The following ERG variants were observed in gnomAD, a reference collection of about 807,000 sequenced individuals.
ERG encodes ETS transcription factor ERG.
ERG carries 9 observed loss-of-function variants against 55.3 expected under a neutral mutation model. The ratio of observed to expected loss-of-function variants is 0.16; its 90% CI spans 0.10 to 0.28. ERG has a LOEUF of 0.28. Among genes scored for constraint, ERG ranks in the 10% least tolerant of loss-of-function variants. The pLI, the probability that ERG is intolerant of heterozygous loss-of-function variation, is 1.00. For missense variants in ERG, 434 were observed against 631.6 expected, an observed-to-expected ratio of 0.69 and a Z score of 3.35; for synonymous variants, 223 against 237.3, an observed-to-expected ratio of 0.94 and a Z score of 0.55.
chr21:38,618,421 G>A (rs925961480), intron 1 of ERG, among the ~76,000 whole-genome samples: 1 of 152,174 alleles, frequency 6.6e-6, no homozygotes, highest in Non-Finnish European at 1.5e-5. Context: ...AAGTAACGTG[G>A]AGCAGATTGA....
At chr21:38,400,285 G>A (rs1442384995) in intron 6 of ERG, 1 of 518,624 alleles carries the variant, frequency 1.9e-6, no homozygotes, top group Non-Finnish European at 3.7e-6. Context: ...TAGTTCAAAA[G>A]TCGGCCTATT....
chr21:38,594,713 C>T (rs1167602234), intron 1 of ERG, among the ~76,000 whole-genome samples: 2 of 152,122 alleles, frequency 1.3e-5, no homozygotes, highest in Non-Finnish European at 2.9e-5. Context: ...ATAGGAAGAA[C>T]TTATATGGAC....
intron 2 of ERG, among the ~76,000 whole-genome samples, chr21:38,424,553 G>A (rs1341749992): frequency 1.3e-5 from 2 of 152,134 alleles, no homozygotes; most frequent in Admixed American, 6.5e-5. Context: ...ACACTTGCAG[G>A]GAACAGTGAA....
At chr21:38,516,369 T>C (rs2059551656) in intron 2 of ERG, among the ~76,000 whole-genome samples, 1 of 151,540 alleles carries the variant, frequency 6.6e-6, no homozygotes, top group South Asian at 2.1e-4. Context: ...CCATTTACAA[T>C]AGGTATAAGG....
At position 38,423,513 on chromosome 21, in the gene ERG, G is replaced by A. The variant is rs1258147013; in HGVS notation, c.285C>T (p.Gly95=). ...CSVAKGGKMV[G]SPDTVGMNYG... ...AGTTCATCCCAACGGTGTCTGGGCT[G>A]CCCACCATCTTCCCGCCTTTGGCCA... The change falls in exon 3 of 10, where the codon GGC becomes GGT. Residue 95 remains glycine (G), a synonymous_variant. Coordinates refer to ENST00000288319, the MANE Select transcript of ERG (RefSeq NM_182918.4). The A allele has an allele frequency of 2.1e-5, 34 of 1,613,976 alleles. No homozygotes were observed. Among genetic ancestry groups the A allele is most frequent in the Non-Finnish European group, 2.6e-5 (31 of 1,179,972 alleles).
At chr21:38,539,892 G>A (rs1601210417) in intron 2 of ERG, among the ~76,000 whole-genome samples, 1 of 130,376 alleles carries the variant, frequency 7.7e-6, no homozygotes, top group Non-Finnish European at 1.6e-5. Context: ...TCCAACACGT[G>A]ATTTTTTTTT....
At chr21:38,372,272 T>C in the ERG span, among the ~76,000 whole-genome samples, 2 of 152,002 alleles carry the variant, frequency 1.3e-5, no homozygotes, top group African/African-American at 4.8e-5. Flanking sequence ...ATTAATCTTT[T>C]AAAAAACTCC....
chr21:38,622,242 G>A (rs550012752), intron 1 of ERG, among the ~76,000 whole-genome samples: 91 of 152,270 alleles, frequency 6.0e-4, no homozygotes, highest in African/African-American at 2.1e-3. Context: ...ACCAAACAGG[G>A]CCCCTGCTGC....
rs544975135 is a variant in ERG at position 38,622,477 on chromosome 21, C to T, written c.-149-37532G>A. Among the ~76,000 whole-genome samples, 8 of 150,060 alleles carry T rather than the reference C, an allele frequency of 5.3e-5. No individual in the cohort carries two copies. The South Asian group carries it at 1.1e-3, about 20-fold the overall frequency. ...ACACACCACACCATACACATACATG[C>T]CACACACACATGCTCATACATACCA... is the stretch of plus-strand genomic sequence containing the variant. On this transcript the variant is annotated intron_variant, in intron 1 of 10. Coordinates refer to the ERG transcript ENST00000398910.
intron 1 of ERG, among the ~76,000 whole-genome samples, chr21:38,657,769 C>A (rs2060528137): frequency 6.6e-6 from 1 of 152,082 alleles, no homozygotes; most frequent in Non-Finnish European, 1.5e-5. Context: ...GCATAATGGA[C>A]AACTAATTAA....
chr21:38,487,987 A>T (rs1343640764), intron 1 of ERG, among the ~76,000 whole-genome samples: 1 of 152,244 alleles, frequency 6.6e-6, no homozygotes, highest in Non-Finnish European at 1.5e-5. Context: ...ACATGACAGC[A>T]TCTCACCATG....
chr21:38,594,021 T>A (rs1453905525), intron 1 of ERG, among the ~76,000 whole-genome samples: 1 of 151,792 alleles, frequency 6.6e-6, no homozygotes. Context: ...AAAAAAAAAA[T>A]TAGAGAATAC....
Position 38,473,247 on chromosome 21 carries a change from C to T in ERG, c.18+25116G>A, listed in dbSNP as rs541378271. On this transcript the variant is annotated intron_variant, in intron 1 of 9. Transcript: ENST00000288319. ...CAAATAAATTCCCAAATTTGACTCA[C>T]ATCACTTCAGCCTCATCTGGATATT... is the stretch of plus-strand genomic sequence containing the variant. 3.3e-5 allele frequency among the ~76,000 whole-genome samples: 5 copies of T among 150,976 alleles called. No homozygotes were observed. The South Asian group carries it at 1.0e-3, about 32-fold the overall frequency.
intron 1 of ERG, among the ~76,000 whole-genome samples, chr21:38,629,692 T>C (rs2060345941): frequency 6.6e-6 from 1 of 152,162 alleles, no homozygotes. Context: ...GAAAACAGTA[T>C]GACAGTTCTT....
At chr21:38,525,381 C>A in intron 2 of ERG, among the ~76,000 whole-genome samples, 1 of 152,292 alleles carries the variant, frequency 6.6e-6, no homozygotes, top group South Asian at 2.1e-4. Flanking sequence ...CAGACGATGC[C>A]TTCCACAGTC....
chr21:38,655,826 T>C (rs2060515627), intron 1 of ERG, among the ~76,000 whole-genome samples: 1 of 152,188 alleles, frequency 6.6e-6, no homozygotes, highest in Admixed American at 6.5e-5. Context: ...GGGCCCCACT[T>C]TTCAACAGAA....
chr21:38,641,371 G>C (rs1210935544), intron 1 of ERG, among the ~76,000 whole-genome samples: 1 of 152,164 alleles, frequency 6.6e-6, no homozygotes, highest in Admixed American at 6.5e-5. Context: ...AAACCTGCCA[G>C]TGCCTTGACA....
At chr21:38,634,029 T>C (rs1326764535) in intron 1 of ERG, among the ~76,000 whole-genome samples, 12 of 152,082 alleles carry the variant, frequency 7.9e-5, no homozygotes, top group Admixed American at 5.2e-4. Flanking sequence ...AAGAAGAACA[T>C]TGATAAAAAA....
intron 2 of ERG, among the ~76,000 whole-genome samples, chr21:38,549,925 C>T (rs2059813156): frequency 6.6e-6 from 1 of 152,188 alleles, no homozygotes; most frequent in South Asian, 2.1e-4. Context: ...CATGCAGATG[C>T]CTCTGATAGG....
Sources: allele counts gnomAD v4.1 joint callset (sites outside exome capture counted in the v4.1 genomes callset), GRCh38; gene constraint gnomAD v4.1.1; transcripts MANE v1.5; gene names NCBI Gene and HGNC (gene_info 2026-07-23, HGNC 2026-07-21).